The following NPL variants were observed in gnomAD, a reference collection of about 807,000 sequenced individuals.
NPL encodes the protein N-acetylneuraminate pyruvate lyase.
Under a neutral mutation model 41.1 loss-of-function variants are expected in NPL, and 32 were observed. That is an observed-to-expected ratio of 0.78 (90% CI 0.59 to 1.05). The LOEUF is 1.05. Ranked by LOEUF, NPL falls within the 50% of genes least tolerant of loss-of-function variation. The pLI, the probability that NPL is intolerant of heterozygous loss-of-function variation, is 0.00. For missense variants in NPL, 321 were observed against 378.4 expected, an observed-to-expected ratio of 0.85 and a Z score of 1.26; for synonymous variants, 128 against 134.9, an observed-to-expected ratio of 0.95 and a Z score of 0.35.
rs1251537323 is a variant in NPL, at chr1:182,806,217, C to T, written c.215C>T (p.Thr72Ile). The T allele has an allele frequency of 4.3e-6, 7 of 1,614,018 alleles. No homozygotes were observed. The highest frequency in any genetic ancestry group is 1.6e-4 in the Middle Eastern group (1 of 6,082). ...CGCCAGGTTGCAGAGGAGTGGGTGA[C>T]AAAAGGGAAGGACAAGTGAGTGGCT... ...ERRQVAEEWV[T>I]KGKDKLDQVI... Residue 72 changes from threonine (T) to isoleucine (I), a missense_variant, in exon 5 of 13, where the codon ACA (threonine) becomes ATA (isoleucine). Transcript: ENST00000367553.
chr1:182,818,459 C>A, intron 8 of NPL, 82 bp from the exon 9 acceptor site: 1 of 1,564,092 alleles, frequency 6.4e-7, no homozygotes. Flanking sequence ...CGTGTGGCAG[C>A]TCACTGCAGA....
intron 6 of NPL, 128 bp downstream of exon 6, chr1:182,812,341 G>A: frequency 1.2e-6 from 1 of 804,154 alleles, no homozygotes; most frequent in South Asian, 1.4e-5. Flanking sequence ...TGGGATCTCA[G>A]GGGCTTACTG....
chr1:182,799,696 G>A (rs942127938), intron 3 of NPL, among the ~76,000 whole-genome samples: 1 of 137,566 alleles, frequency 7.3e-6, no homozygotes, highest in African/African-American at 2.7e-5. Context: ...TCAGGAGTTT[G>A]AGGCCAGCCT....
At chr1:182,824,491 C>T (rs781156452) in intron 11 of NPL, among the ~76,000 whole-genome samples, 1 of 152,226 alleles carries the variant, frequency 6.6e-6, no homozygotes, top group Non-Finnish European at 1.5e-5. Context: ...AAATGCATCT[C>T]TTAATAAGAT....
chr1:182,821,766 A>G (rs981706249), intron 10 of NPL, among the ~76,000 whole-genome samples: 5 of 152,212 alleles, frequency 3.3e-5, no homozygotes, highest in African/African-American at 1.2e-4. Flanking sequence ...GACTCACCTC[A>G]GATGCTACCT....
chr1:182,827,733 T>A (rs539167247), intron 12 of NPL, among the ~76,000 whole-genome samples: 1 of 152,330 alleles, frequency 6.6e-6, no homozygotes, highest in African/African-American at 2.4e-5. Flanking sequence ...TTTTCTGTCA[T>A]CTACTCTCAG....
At chr1:182,826,188 G>T in intron 12 of NPL, 1 of 298,974 alleles carries the variant, frequency 3.3e-6, no homozygotes, top group Non-Finnish European at 6.3e-6. Flanking sequence ...ACTAAATTGT[G>T]AATGACTGAC....
At chr1:182,811,430 T>C (rs911682857) in intron 5 of NPL, among the ~76,000 whole-genome samples, 2 of 152,064 alleles carry the variant, frequency 1.3e-5, no homozygotes, top group African/African-American at 2.4e-5. Context: ...GGTTTTGCCA[T>C]GTTGCCCAGG....
chr1:182,824,520 G>A (rs1667577543), intron 11 of NPL, among the ~76,000 whole-genome samples: 1 of 152,000 alleles, frequency 6.6e-6, no homozygotes, highest in Non-Finnish European at 1.5e-5. Context: ...TTCTAAGGCC[G>A]GGCACGGTGG....
At chr1:182,800,343 A>G (rs1666802571) in intron 3 of NPL, among the ~76,000 whole-genome samples, 1 of 149,614 alleles carries the variant, frequency 6.7e-6, no homozygotes, top group South Asian at 2.2e-4. Context: ...GGCAGAGGCC[A>G]GAGGATCACT....
intron 11 of NPL, among the ~76,000 whole-genome samples, chr1:182,823,503 A>G (rs1172896898): frequency 6.6e-6 from 1 of 152,214 alleles, no homozygotes; most frequent in East Asian, 1.9e-4. Context: ...AGCTAAGAAC[A>G]GGAACAGGGT....
chr1:182,812,901 G>C (rs1667215889), intron 6 of NPL, among the ~76,000 whole-genome samples: 1 of 151,758 alleles, frequency 6.6e-6, no homozygotes, highest in Non-Finnish European at 1.5e-5. Context: ...AAGAAAAGAA[G>C]GCACACACTT....
At chr1:182,801,066 A>C (rs1227050130) in intron 3 of NPL, among the ~76,000 whole-genome samples, 1 of 151,836 alleles carries the variant, frequency 6.6e-6, no homozygotes, top group East Asian at 1.9e-4. Context: ...CTTTTCAAAT[A>C]CTCATTTTTT....
chr1:182,803,832 T>TA, intron 4 of NPL, 61 bp downstream of exon 4: 1 of 1,156,640 alleles, frequency 8.6e-7, no homozygotes, highest in Non-Finnish European at 1.3e-6. Flanking sequence ...AGGTATATCT[T>TA]ACCTGGTTAC....
At chr1:182,812,585 G>A (rs191048963) in intron 6 of NPL, among the ~76,000 whole-genome samples, 222 of 152,284 alleles carry the variant, frequency 1.5e-3, no homozygotes, top group African/African-American at 5.2e-3. Flanking sequence ...TTGAAGAATG[G>A]CAAATGTGAA....
At chr1:182,823,620 T>A (rs1245790313) in intron 11 of NPL, among the ~76,000 whole-genome samples, 2 of 152,220 alleles carry the variant, frequency 1.3e-5, no homozygotes. Flanking sequence ...CTTGCATTGA[T>A]GGTTCTCTCC....
intron 11 of NPL, among the ~76,000 whole-genome samples, chr1:182,823,862 T>G (rs1315231231): frequency 6.6e-6 from 1 of 152,242 alleles, no homozygotes; most frequent in African/African-American, 2.4e-5. Context: ...TACCACTCTC[T>G]GTTTCAAATA....
At chr1:182,821,969 T>G (rs1667498302) in intron 10 of NPL, 146 bp from the exon 11 acceptor site, 1 of 700,714 alleles carries the variant, frequency 1.4e-6, no homozygotes. Context: ...CTGAAGACAG[T>G]CTTGTCCCCT....
chr1:182,820,154 C>T (rs1667450532), intron 10 of NPL, among the ~76,000 whole-genome samples: 1 of 152,258 alleles, frequency 6.6e-6, no homozygotes, highest in Admixed American at 6.5e-5. Context: ...ATAGCACTAC[C>T]TAGGCAAGTG....
Sources: gnomAD v4.1 joint callset for allele counts (sites outside exome capture counted in the v4.1 genomes callset) on GRCh38, gnomAD v4.1.1 for gene constraint, MANE v1.5 for transcripts, NCBI Gene and HGNC (gene_info 2026-07-23, HGNC 2026-07-21) for gene names.